Variants in ABTB2 observed in about 807,000 individuals in gnomAD.
The protein encoded by ABTB2 is ankyrin repeat and BTB domain containing 2.
Under a neutral mutation model 104.1 loss-of-function variants are expected in ABTB2, and 56 were observed. The ratio of observed to expected loss-of-function variants is 0.54; its 90% confidence interval spans 0.43 to 0.67. The LOEUF (loss-of-function observed/expected upper bound fraction) is 0.67. Ranked by LOEUF, ABTB2 falls within the 30% of genes least tolerant of loss-of-function variation. The pLI is 0.00. For synonymous variants in ABTB2, 606 were observed against 608.2 expected, an observed-to-expected ratio of 1.00 and a Z score of 0.05; for missense variants, 1,279 against 1,407.7, an observed-to-expected ratio of 0.91 and a Z score of 1.46.
intron 1 of ABTB2, among the ~76,000 whole-genome samples, chr11:34,230,199 C>T (rs1241913435): frequency 6.6e-6 from 1 of 152,234 alleles, no homozygotes; most frequent in African/African-American, 2.4e-5. Flanking sequence ...GTGATCAGAG[C>T]AGGGGGACCG....
At position 34,357,112 on chromosome 11, in the gene ABTB2, C is replaced by A; in HGVS notation, c.472G>T (p.Val158Leu). The stretch of plus-strand genomic sequence containing the variant: ...TGCACCAGGCGCACGGCGCTCTGCA[C>A]CTCAAAGCGGGTGCACTTGGCGTGC... Reference protein sequence around the residue: ...VLHAKCTRFEVQSAVRLVHSW... With the variant: ...VLHAKCTRFELQSAVRLVHSW... Residue 158 changes from valine to leucine, a missense_variant, in exon 1 of 17, where the codon GTG (valine) becomes TTG (leucine). Physicochemically the swap from Val to Leu is conservative, Grantham distance 32. Transcript: ENST00000435224. The A allele has an allele frequency of 1.3e-6, 2 of 1,513,444 alleles. No homozygotes were observed. Among genetic ancestry groups the A allele is most frequent in the Non-Finnish European group, 8.8e-7 (1 of 1,136,328 alleles). The allele number at this position is 1,513,444 out of a possible 1,614,324, so 93.8% of individuals were successfully genotyped here. A position where few individuals can be genotyped will look rare whatever the true frequency, so the allele number is the denominator to read the frequency against.
intron 1 of ABTB2, among the ~76,000 whole-genome samples, chr11:34,219,658 T>C (rs553591788): frequency 6.6e-5 from 10 of 152,360 alleles, no homozygotes; most frequent in Admixed American, 2.6e-4. Context: ...ATATGTACCA[T>C]TGTGTTACAA....
chr11:34,157,144 C>T (rs184125349), intron 14 of ABTB2, among the ~76,000 whole-genome samples: 6 of 152,322 alleles, frequency 3.9e-5, no homozygotes, highest in Admixed American at 1.3e-4. Context: ...CTGATGGCTT[C>T]AGGCTGACCC....
intron 3 of ABTB2, among the ~76,000 whole-genome samples, chr11:34,196,380 C>T (rs1384789801): frequency 2.0e-5 from 3 of 152,138 alleles, no homozygotes; most frequent in East Asian, 3.9e-4. Flanking sequence ...AGTGCAACCC[C>T]GTCTCTACTA....
At chr11:34,352,546 CA>C (rs1255538982) in intron 1 of ABTB2, among the ~76,000 whole-genome samples, 2 of 152,200 alleles carry the variant, frequency 1.3e-5, no homozygotes, top group Admixed American at 6.5e-5. Flanking sequence ...GCACTTTTAA[CA>C]GTGGTGGGTA....
At chr11:34,297,796 G>GAAAAT (rs1554923796) in intron 1 of ABTB2, among the ~76,000 whole-genome samples, 1 of 123,070 alleles carries the variant, frequency 8.1e-6, no homozygotes, top group African/African-American at 3.2e-5. Flanking sequence ...AAAAATAAAG[G>GAAAAT]AAAGAAAAAG....
intron 1 of ABTB2, among the ~76,000 whole-genome samples, chr11:34,226,670 T>C (rs1175283530): frequency 6.6e-6 from 1 of 152,194 alleles, no homozygotes; most frequent in Non-Finnish European, 1.5e-5. Flanking sequence ...TGCTATAAAA[T>C]TTACCCTTTT....
chr11:34,340,273 A>G (rs1855247092), intron 1 of ABTB2, among the ~76,000 whole-genome samples: 1 of 152,200 alleles, frequency 6.6e-6, no homozygotes. Flanking sequence ...ACCAAATGCC[A>G]TTGCTGGGAA....
chr11:34,235,497 C>T (rs537985770), intron 1 of ABTB2, among the ~76,000 whole-genome samples: 2 of 152,312 alleles, frequency 1.3e-5, no homozygotes, highest in East Asian at 1.9e-4. Context: ...TCAGAGATGA[C>T]AAGGATCTTG....
intron 1 of ABTB2, among the ~76,000 whole-genome samples, chr11:34,348,702 G>A (rs1407964668): frequency 6.6e-6 from 1 of 152,110 alleles, no homozygotes; most frequent in Non-Finnish European, 1.5e-5. Context: ...TGGGATGGAA[G>A]TTATATCTAC....
chr11:34,244,661 G>A (rs1002080117), intron 1 of ABTB2, among the ~76,000 whole-genome samples: 1 of 152,172 alleles, frequency 6.6e-6, no homozygotes, highest in African/African-American at 2.4e-5. Flanking sequence ...TGTACTCGCT[G>A]TTTGACTTTG....
At chr11:34,182,581 A>G (rs2473913) in intron 3 of ABTB2, among the ~76,000 whole-genome samples, 112,381 of 150,276 alleles carry the variant, frequency 0.75, 42,708 homozygotes, top group East Asian at 0.97. Context: ...CCAGATACAC[A>G]TAGGGACAGA....
intron 3 of ABTB2, among the ~76,000 whole-genome samples, chr11:34,190,272 C>CG (rs575570208): frequency 8.7e-6 from 1 of 115,122 alleles, no homozygotes; most frequent in Non-Finnish European, 1.7e-5. Context: ...GCTGCCCCCC[C>CG]AAAAAAAAAA....
intron 10 of ABTB2, 142 bp downstream of exon 10, chr11:34,162,434 C>T: frequency 2.2e-6 from 2 of 912,578 alleles, no homozygotes; most frequent in South Asian, 1.7e-5. Flanking sequence ...CCAGCCTCCA[C>T]CCAGTCTGTG....
At chr11:34,210,610 G>A (rs1373264625) in intron 1 of ABTB2, among the ~76,000 whole-genome samples, 71 of 152,270 alleles carry the variant, frequency 4.7e-4, no homozygotes, top group Non-Finnish European at 2.4e-4. Flanking sequence ...ACTTGTAAAT[G>A]TTCTTTCTGG....
At chr11:34,320,374 G>C (rs558804541) in intron 1 of ABTB2, among the ~76,000 whole-genome samples, 51 of 152,284 alleles carry the variant, frequency 3.3e-4, no homozygotes, top group African/African-American at 1.1e-3. Context: ...AAGTCAGAAG[G>C]CAGGGTCCTA....
intron 3 of ABTB2, among the ~76,000 whole-genome samples, chr11:34,180,709 C>T (rs1029886793): frequency 2.6e-5 from 4 of 152,202 alleles, no homozygotes; most frequent in African/African-American, 7.2e-5. Context: ...CAAGGTTACA[C>T]GGCCAATTCA....
At chr11:34,279,857 C>T (rs532158895) in intron 1 of ABTB2, among the ~76,000 whole-genome samples, 77 of 143,638 alleles carry the variant, frequency 5.4e-4, no homozygotes, top group African/African-American at 1.9e-3. Flanking sequence ...GGTGCGATCT[C>T]GGCTCACTGC....
In ABTB2 at chr11:34,201,752, C is replaced by A. The variant is rs1439251141; in HGVS notation, c.1030+2792G>T. Among the ~76,000 whole-genome samples, 3 of 152,196 alleles carry A rather than the reference C, an allele frequency of 2.0e-5. No individual in the cohort carries two copies. The South Asian group carries it at 6.2e-4, about 31-fold the overall frequency. On this transcript the variant is annotated intron_variant, in intron 2 of 16. Coordinates refer to ENST00000435224, the MANE Select transcript of ABTB2 (RefSeq NM_145804.3). ...AGCAGGTTAGCAAAAGCCCTGGTTT[C>A]AAAGGGAGGAACAGGGCAACTTGGC...
Sources: gnomAD v4.1 joint callset for allele counts (sites outside exome capture counted in the v4.1 genomes callset) on GRCh38, gnomAD v4.1.1 for gene constraint, MANE v1.5 for transcripts, NCBI Gene and HGNC (gene_info 2026-07-23, HGNC 2026-07-21) for gene names.